Variants in LRP1B observed in about 807,000 individuals in gnomAD.
LRP1B encodes low-density lipoprotein receptor-related protein 1B.
In LRP1B, 217 loss-of-function variants were observed where a neutral mutation model predicts 556.6. The ratio of observed to expected loss-of-function variants is 0.39; its 90% CI spans 0.35 to 0.44. The LOEUF is 0.44. Among genes scored for constraint, LRP1B ranks in the 20% least tolerant of loss-of-function variants. The pLI is 1.00. For synonymous variants in LRP1B, 2,047 were observed against 1,865.8 expected (o/e 1.10, Z -2.50); for missense variants, 5,053 against 5,620.8 (o/e 0.90, Z 3.23).
At chr2:141,486,214 C>A (rs888387644) in intron 2 of LRP1B, among the ~76,000 whole-genome samples, 1 of 152,068 alleles carries the variant, frequency 6.6e-6, no homozygotes, top group Non-Finnish European at 1.5e-5. Flanking sequence ...ATTATATCAA[C>A]ATATGAGGCT....
At chr2:140,678,651 C>A (rs1358187746) in intron 41 of LRP1B, among the ~76,000 whole-genome samples, 1 of 151,984 alleles carries the variant, frequency 6.6e-6, no homozygotes, top group East Asian at 1.9e-4. Context: ...GCAGCCATAA[C>A]AAAATACCAG....
At chr2:141,116,111 T>A (rs746478615) in intron 7 of LRP1B, among the ~76,000 whole-genome samples, 2 of 152,142 alleles carry the variant, frequency 1.3e-5, no homozygotes, top group Non-Finnish European at 2.9e-5. Flanking sequence ...TATGTTTATT[T>A]TGACAATGTG....
At chr2:141,752,358 C>G (rs143487066) in intron 2 of LRP1B, among the ~76,000 whole-genome samples, 1 of 152,120 alleles carries the variant, frequency 6.6e-6, no homozygotes, top group African/African-American at 2.4e-5. Flanking sequence ...CAAACATTTG[C>G]TTGACTCTGG....
At chr2:141,180,358 AC>A (rs916480779) in intron 7 of LRP1B, among the ~76,000 whole-genome samples, 2 of 150,794 alleles carry the variant, frequency 1.3e-5, no homozygotes, top group African/African-American at 2.4e-5. Context: ...AAAAAAAAAA[AC>A]AACTAGAAAT....
At chr2:141,942,102 A>T (rs1486624682) in intron 1 of LRP1B, among the ~76,000 whole-genome samples, 1 of 152,122 alleles carries the variant, frequency 6.6e-6, no homozygotes, top group East Asian at 1.9e-4. Flanking sequence ...ACTATTACTC[A>T]AACAATCAGT....
intron 77 of LRP1B, among the ~76,000 whole-genome samples, chr2:140,349,855 C>T (rs1471333547): frequency 1.3e-5 from 2 of 152,064 alleles, no homozygotes; most frequent in East Asian, 1.9e-4. Context: ...AATCTAAATC[C>T]GAATTTGAAA....
At chr2:142,089,610 G>C (rs1176819265) in intron 1 of LRP1B, among the ~76,000 whole-genome samples, 1 of 152,172 alleles carries the variant, frequency 6.6e-6, no homozygotes. Context: ...TCATGGACAA[G>C]TGTGGTCCAA....
At chr2:140,454,142 CT>C (rs1350623816) in intron 62 of LRP1B, among the ~76,000 whole-genome samples, 1 of 151,844 alleles carries the variant, frequency 6.6e-6, no homozygotes, top group East Asian at 1.9e-4. Flanking sequence ...TTTTTTCTTT[CT>C]TTTTTTATTT....
chr2:140,891,643 T>C (rs1019227974), intron 23 of LRP1B, among the ~76,000 whole-genome samples: 1 of 152,138 alleles, frequency 6.6e-6, no homozygotes, highest in African/African-American at 2.4e-5. Flanking sequence ...TATCATGACT[T>C]GCTTCCCTCC....
intron 2 of LRP1B, among the ~76,000 whole-genome samples, chr2:141,592,083 A>G (rs548541041): frequency 6.6e-6 from 1 of 152,010 alleles, no homozygotes; most frequent in Non-Finnish European, 1.5e-5. Context: ...TCAACCCCAC[A>G]TCCTCATCCT....
At chr2:140,519,620 T>C (rs972876645) in intron 49 of LRP1B, among the ~76,000 whole-genome samples, 2 of 152,064 alleles carry the variant, frequency 1.3e-5, no homozygotes, top group Non-Finnish European at 2.9e-5. Context: ...TGGGATCTAA[T>C]AAAACTAAAG....
At chr2:140,272,028 A>T (rs57006385) in intron 85 of LRP1B, among the ~76,000 whole-genome samples, 47,348 of 151,694 alleles carry the variant, frequency 0.31, 7,635 homozygotes, top group Middle Eastern at 0.39. Context: ...AGACAAAAAA[A>T]CCTGATTGCT....
At chr2:141,976,343 ATTTC>A (rs1198107388) in intron 1 of LRP1B, among the ~76,000 whole-genome samples, 2 of 152,172 alleles carry the variant, frequency 1.3e-5, no homozygotes, top group Non-Finnish European at 2.9e-5. Flanking sequence ...AATTACATAA[ATTTC>A]TTTATTGCAG....
chr2:141,532,508 A>AT (rs5834842), intron 2 of LRP1B, among the ~76,000 whole-genome samples: 354 of 149,912 alleles, frequency 2.4e-3, no homozygotes, highest in African/African-American at 8.2e-3. Flanking sequence ...AGTCATTTTT[A>AT]TTTTTTTTTT....
At chr2:141,610,320 T>TATAATA (rs200146418) in intron 2 of LRP1B, among the ~76,000 whole-genome samples, 4 of 144,606 alleles carry the variant, frequency 2.8e-5, no homozygotes, top group African/African-American at 1.0e-4. Flanking sequence ...AAACTTAAAG[T>TATAATA]ATAATAATAA....
intron 2 of LRP1B, among the ~76,000 whole-genome samples, chr2:141,645,967 T>C (rs1689547930): frequency 6.6e-6 from 1 of 152,160 alleles, no homozygotes; most frequent in Non-Finnish European, 1.5e-5. Flanking sequence ...CTTATCAATT[T>C]TTATAAGAGA....
chr2:140,405,182 A>C (rs920714961), intron 66 of LRP1B, among the ~76,000 whole-genome samples: 35 of 152,188 alleles, frequency 2.3e-4, no homozygotes, highest in Admixed American at 5.9e-4. Flanking sequence ...ATAGTGACAC[A>C]ACTTATCAAA....
intron 2 of LRP1B, among the ~76,000 whole-genome samples, chr2:141,569,606 T>A (rs1035958870): frequency 6.6e-5 from 10 of 151,194 alleles, no homozygotes; most frequent in African/African-American, 2.4e-4. Context: ...AATAGAAATG[T>A]TTTAAGCAAC....
chr2:140,439,883 T>TA (rs1686348355), intron 66 of LRP1B, among the ~76,000 whole-genome samples: 2 of 152,064 alleles, frequency 1.3e-5, no homozygotes, highest in African/African-American at 4.8e-5. Flanking sequence ...ATATAGAATT[T>TA]AAAAAAATTT....
Sources: gnomAD v4.1 joint callset for allele counts (sites outside exome capture counted in the v4.1 genomes callset) on GRCh38, gnomAD v4.1.1 for gene constraint, MANE v1.5 for transcripts, NCBI Gene and HGNC (gene_info 2026-07-23, HGNC 2026-07-21) for gene names.